ST6GALNAC3: variants seen among roughly 807,000 people sequenced by gnomAD.
The protein encoded by ST6GALNAC3 is alpha-N-acetylgalactosaminide alpha-2,6-sialyltransferase 3.
A neutral mutation model predicts 32.7 loss-of-function variants in ST6GALNAC3; 25 were observed. The observed-to-expected ratio is 0.76, with a 90% CI of 0.56 to 1.07. The LOEUF is 1.07. ST6GALNAC3 is among the 50% of genes least tolerant of loss of function. The pLI is 0.00. For missense variants in ST6GALNAC3, 355 were observed against 382.4 expected, an observed-to-expected ratio of 0.93 and a Z score of 0.60; for synonymous variants, 129 against 133.1, an observed-to-expected ratio of 0.97 and a Z score of 0.21.
At chr1:76,300,878 A>G (rs1660690836) in intron 1 of ST6GALNAC3, among the ~76,000 whole-genome samples, 3 of 152,014 alleles carry the variant, frequency 2.0e-5, no homozygotes, top group Non-Finnish European at 4.4e-5. Flanking sequence ...AGAGGAGACA[A>G]CATTTGAATT....
intron 3 of ST6GALNAC3, among the ~76,000 whole-genome samples, chr1:76,460,551 A>G (rs1658210641): frequency 6.6e-6 from 1 of 152,204 alleles, no homozygotes; most frequent in African/African-American, 2.4e-5. Context: ...TGTGGATAAT[A>G]GGTGAGACAC....
chr1:76,117,696 A>G (rs953436573), intron 1 of ST6GALNAC3, among the ~76,000 whole-genome samples: 1 of 152,222 alleles, frequency 6.6e-6, no homozygotes, highest in Non-Finnish European at 1.5e-5. Context: ...GGGCAAATTA[A>G]AGACAATTCC....
chr1:76,591,018 A>G (rs1270191540), intron 3 of ST6GALNAC3, among the ~76,000 whole-genome samples: 1 of 152,222 alleles, frequency 6.6e-6, no homozygotes, highest in Non-Finnish European at 1.5e-5. Flanking sequence ...AAATAAGTGT[A>G]ATTATAGCTA....
intron 1 of ST6GALNAC3, among the ~76,000 whole-genome samples, chr1:76,135,687 C>G (rs1649900294): frequency 6.6e-6 from 1 of 152,270 alleles, no homozygotes; most frequent in East Asian, 1.9e-4. Flanking sequence ...GTGAGGGGCC[C>G]CATAGTGGAG....
chr1:76,604,986 T>C (rs1450962282), intron 3 of ST6GALNAC3, among the ~76,000 whole-genome samples: 1 of 152,204 alleles, frequency 6.6e-6, no homozygotes, highest in Non-Finnish European at 1.5e-5. Context: ...ATATTTCCCA[T>C]ATGCAGTTCA....
At chr1:76,535,824 T>C (rs1663558247) in intron 3 of ST6GALNAC3, among the ~76,000 whole-genome samples, 1 of 151,386 alleles carries the variant, frequency 6.6e-6, no homozygotes, top group Admixed American at 6.6e-5. Flanking sequence ...ATTTTTTTTT[T>C]CTCTAGGTCG....
intron 1 of ST6GALNAC3, among the ~76,000 whole-genome samples, chr1:76,301,726 T>C (rs1302517296): frequency 6.6e-6 from 1 of 152,098 alleles, no homozygotes; most frequent in East Asian, 1.9e-4. Context: ...GAGGACAGTG[T>C]ATATTCCTTA....
At chr1:76,607,886 G>A (rs1647666538) in intron 3 of ST6GALNAC3, among the ~76,000 whole-genome samples, 1 of 152,156 alleles carries the variant, frequency 6.6e-6, no homozygotes, top group African/African-American at 2.4e-5. Flanking sequence ...ATGGCCCCAT[G>A]ATTGCCCCAA....
At chr1:76,132,101 C>A (rs1649646279) in intron 1 of ST6GALNAC3, among the ~76,000 whole-genome samples, 1 of 152,186 alleles carries the variant, frequency 6.6e-6, no homozygotes, top group Non-Finnish European at 1.5e-5. Flanking sequence ...TAGCCCCATG[C>A]TTGTTTTCAT....
rs141186489 is a variant in ST6GALNAC3, at chr1:76,195,907, T to G, written c.19-117898T>G. Among the ~76,000 whole-genome samples, 240 of 152,328 alleles carry G rather than the reference T, an allele frequency of 1.6e-3. 2 individuals carry two copies. Among genetic ancestry groups the G allele is most frequent in the African/African-American group, 5.6e-3 (234 of 41,568 alleles). ...TATGGGTGAGGAATAGGGAAGCCATTAACTGAGGTTGGTAAGAAGGAGAAA... is the reference window on the plus strand; with the variant it reads ...TATGGGTGAGGAATAGGGAAGCCATGAACTGAGGTTGGTAAGAAGGAGAAA... On this transcript the variant is annotated intron_variant, in intron 1 of 4. Coordinates refer to ENST00000328299, the MANE Select transcript of ST6GALNAC3 (RefSeq NM_152996.4).
intron 3 of ST6GALNAC3, among the ~76,000 whole-genome samples, chr1:76,587,374 C>G (rs1266943957): frequency 6.6e-6 from 1 of 152,158 alleles, no homozygotes; most frequent in African/African-American, 2.4e-5. Flanking sequence ...ACTGCTCGAT[C>G]AGTTCTCCTC....
chr1:76,162,000 G>T (rs1451971765), intron 1 of ST6GALNAC3, among the ~76,000 whole-genome samples: 2 of 152,224 alleles, frequency 1.3e-5, no homozygotes, highest in African/African-American at 4.8e-5. Context: ...TTGGCAGACA[G>T]TTGGCACTCA....
chr1:76,376,547 G>T (rs1651250979), intron 2 of ST6GALNAC3, among the ~76,000 whole-genome samples: 1 of 152,084 alleles, frequency 6.6e-6, no homozygotes, highest in African/African-American at 2.4e-5. Flanking sequence ...TTGTATAAAT[G>T]GAATCATGTA....
At chr1:76,452,264 C>T (rs1336116056) in intron 3 of ST6GALNAC3, among the ~76,000 whole-genome samples, 1 of 152,188 alleles carries the variant, frequency 6.6e-6, no homozygotes, top group Non-Finnish European at 1.5e-5. Flanking sequence ...TGACTGCTGC[C>T]ATCCACGTAA....
At chr1:76,329,271 G>A (rs1053160601) in intron 2 of ST6GALNAC3, among the ~76,000 whole-genome samples, 2 of 152,098 alleles carry the variant, frequency 1.3e-5, no homozygotes, top group African/African-American at 4.8e-5. Context: ...TGCCTCCTAA[G>A]TTTTGCAGGC....
intron 1 of ST6GALNAC3, among the ~76,000 whole-genome samples, chr1:76,176,282 C>G (rs935736460): frequency 3.3e-5 from 5 of 152,174 alleles, no homozygotes; most frequent in African/African-American, 1.2e-4. Flanking sequence ...ACTGCCCAGA[C>G]GGCATCAGTA....
Position 76,630,415 on chromosome 1 carries a change from T to C in ST6GALNAC3, c.*1609T>C. 7.1e-6 allele frequency: 7 copies of C among 985,222 alleles called. No individual in the cohort carries two copies. Among genetic ancestry groups the C allele is most frequent in the Non-Finnish European group, 7.2e-6 (6 of 829,828 alleles). The allele number at this position is 985,222 out of a possible 1,614,324, so 61.0% of individuals were successfully genotyped here. ...ATGAAGGCAGAGAAATATAGTTTCCTTTCCTAGGATTGAGACAATTCTATT... is the reference window on the plus strand; with the variant it reads ...ATGAAGGCAGAGAAATATAGTTTCCCTTCCTAGGATTGAGACAATTCTATT... On this transcript the variant is annotated 3_prime_UTR_variant, in exon 5 of 5. Transcript: ENST00000328299.
intron 3 of ST6GALNAC3, among the ~76,000 whole-genome samples, chr1:76,572,087 C>T (rs1665892574): frequency 6.6e-6 from 1 of 151,934 alleles, no homozygotes; most frequent in Admixed American, 6.6e-5. Context: ...TTGACAAAAA[C>T]ATCATTCAGA....
intron 3 of ST6GALNAC3, among the ~76,000 whole-genome samples, chr1:76,546,591 G>A (rs1457275082): frequency 1.3e-5 from 2 of 152,168 alleles, no homozygotes; most frequent in African/African-American, 4.8e-5. Context: ...AACTTTGTGA[G>A]CATTTGAAAA....
Sources: gnomAD v4.1 joint callset for allele counts (sites outside exome capture counted in the v4.1 genomes callset) on GRCh38, gnomAD v4.1.1 for gene constraint, MANE v1.5 for transcripts, NCBI Gene and HGNC (gene_info 2026-07-23, HGNC 2026-07-21) for gene names.